The following NFIA variants were observed in gnomAD, a reference collection of about 807,000 sequenced individuals.
The protein encoded by NFIA is nuclear factor 1 A-type.
A neutral mutation model predicts 62.8 loss-of-function variants in NFIA; 8 were observed. That is an observed-to-expected ratio of 0.13 (90% CI 0.07 to 0.23). The LOEUF is 0.23. NFIA is among the 10% of genes least tolerant of loss of function. The probability of loss-of-function intolerance (pLI) is 1.00; values close to 1 mark genes in which losing one functional copy is unlikely to be tolerated. For synonymous variants in NFIA, 235 were observed against 238.1 expected, an observed-to-expected ratio of 0.99 and a Z score of 0.12; for missense variants, 410 against 642.1, an observed-to-expected ratio of 0.64 and a Z score of 3.91.
intron 2 of NFIA, among the ~76,000 whole-genome samples, chr1:61,206,330 G>A (rs999059755): frequency 3.9e-5 from 6 of 152,122 alleles, no homozygotes; most frequent in Non-Finnish European, 8.8e-5. Context: ...TGTCAGATTG[G>A]ATGCAGAGTT....
At chr1:61,267,817 A>C (rs1178230916) in intron 2 of NFIA, among the ~76,000 whole-genome samples, 3 of 152,176 alleles carry the variant, frequency 2.0e-5, no homozygotes, top group Non-Finnish European at 4.4e-5. Flanking sequence ...ATGTCACAGA[A>C]TCTTTATCCT....
intron 2 of NFIA, chr1:61,133,125 CT>C (rs754552802): frequency 1.2e-4 from 19 of 152,064 alleles, no homozygotes; most frequent in Non-Finnish European, 1.9e-4. Context: ...TTTCTAAAGA[CT>C]TTTATAGGCA....
intron 3 of NFIA, among the ~76,000 whole-genome samples, chr1:61,284,580 G>T (rs181613447): frequency 1.7e-4 from 26 of 152,204 alleles, no homozygotes; most frequent in Admixed American, 1.3e-3. Context: ...GGGGGGTGTG[G>T]GGGGAGATTT....
At chr1:61,338,865 T>A (rs1430997891) in intron 4 of NFIA, among the ~76,000 whole-genome samples, 1 of 152,226 alleles carries the variant, frequency 6.6e-6, no homozygotes, top group Non-Finnish European at 1.5e-5. Flanking sequence ...TTGGTTTTCC[T>A]GTGTTAAGTA....
intron 3 of NFIA, among the ~76,000 whole-genome samples, chr1:61,279,934 A>G (rs772627049): frequency 3.9e-5 from 6 of 152,340 alleles, no homozygotes; most frequent in Middle Eastern, 3.4e-3. Context: ...GATTTACACT[A>G]TCATTTTGGG....
intron 2 of NFIA, among the ~76,000 whole-genome samples, chr1:61,246,363 G>A (rs749132602): frequency 5.3e-5 from 8 of 152,022 alleles, no homozygotes; most frequent in Non-Finnish European, 1.0e-4. Context: ...AAAAAGTAAC[G>A]TTATCTTGGA....
intron 2 of NFIA, among the ~76,000 whole-genome samples, chr1:61,145,889 C>G (rs1279203637): frequency 6.6e-6 from 1 of 152,194 alleles, no homozygotes; most frequent in South Asian, 2.1e-4. Context: ...CGATTTAATT[C>G]AACTCTTCTT....
At chr1:61,338,452 A>G (rs537821366) in intron 4 of NFIA, among the ~76,000 whole-genome samples, 56 of 152,362 alleles carry the variant, frequency 3.7e-4, no homozygotes, top group African/African-American at 1.3e-3. Context: ...ATTTTCACAC[A>G]GGAATTGTCA....
intron 9 of NFIA, among the ~76,000 whole-genome samples, chr1:61,409,106 G>A (rs1016905948): frequency 2.0e-5 from 3 of 152,190 alleles, no homozygotes; most frequent in Admixed American, 1.3e-4. Flanking sequence ...AAGGAGTCTT[G>A]GCAGATCCAA....
chr1:61,338,454 G>T (rs555888256), intron 4 of NFIA, among the ~76,000 whole-genome samples: 3 of 152,286 alleles, frequency 2.0e-5, no homozygotes, highest in African/African-American at 7.2e-5. Context: ...TTTCACACAG[G>T]AATTGTCATT....
At chr1:61,092,396 A>C (rs4550087) in intron 2 of NFIA, among the ~76,000 whole-genome samples, 13,038 of 152,236 alleles carry the variant, frequency 0.086, 776 homozygotes, top group South Asian at 0.17. Flanking sequence ...ACACTTTTGC[A>C]CGGTAATCTT....
At chr1:61,239,822 TTAATTGAAAGGATTTGGTA>T (rs1229277902) in intron 2 of NFIA, among the ~76,000 whole-genome samples, 4 of 152,284 alleles carry the variant, frequency 2.6e-5, no homozygotes, top group African/African-American at 9.6e-5. Context: ...CTATGCTGTA[TTAATTGAAAGGATTTGGTA>T]TAATCTCATA....
intron 2 of NFIA, among the ~76,000 whole-genome samples, chr1:61,090,820 C>T (rs746570298): frequency 5.9e-5 from 9 of 152,082 alleles, no homozygotes; most frequent in Non-Finnish European, 1.0e-4. Context: ...TCTCTGTGCG[C>T]GCAACAGGAA....
rs540490461 is a variant in NFIA at position 61,348,232 on chromosome 1, T to C, written c.701-4218T>C. 5.3e-5 allele frequency among the ~76,000 whole-genome samples: 8 copies of C among 152,324 alleles called. No individual in the cohort carries two copies. The South Asian group carries it at 1.7e-3, about 32-fold the overall frequency. ...GTCACTGAGTCAGAATCCAACCCAATAAGCCAACTGTCCATGTGATTCATA... is the reference window on the plus strand; with the variant it reads ...GTCACTGAGTCAGAATCCAACCCAACAAGCCAACTGTCCATGTGATTCATA... On this transcript the variant is annotated intron_variant, in intron 4 of 10. Coordinates refer to ENST00000403491, the MANE Select transcript of NFIA (RefSeq NM_001134673.4).
At chr1:61,396,923 A>T (rs946413679) in intron 7 of NFIA, among the ~76,000 whole-genome samples, 2 of 151,618 alleles carry the variant, frequency 1.3e-5, no homozygotes, top group African/African-American at 4.9e-5. Context: ...AATTGCTTGA[A>T]CCCAGAAGGT....
chr1:61,174,621 C>T (rs1354341691), intron 2 of NFIA, among the ~76,000 whole-genome samples: 1 of 152,178 alleles, frequency 6.6e-6, no homozygotes, highest in Non-Finnish European at 1.5e-5. Context: ...TGACATCTGC[C>T]ATTTGCATTG....
chr1:61,277,806 G>A lies in NFIA; in HGVS notation c.625+221G>A, dbSNP rs12562645. ...ACCCCCGGCCCTAAACACTATTAGG[G>A]TGCCCATGAGAACCTGAATTCCCAA... On this transcript the variant is annotated intron_variant, in intron 3 of 10. Transcript: ENST00000403491. 0.047 allele frequency among the ~76,000 whole-genome samples: 7,141 copies of A among 152,204 alleles called. 557 individuals are homozygous for A. The highest frequency in any genetic ancestry group is 0.15 in the African/African-American group (6,392 of 41,478).
At chr1:61,446,913 C>T (rs1667835634) in intron 10 of NFIA, among the ~76,000 whole-genome samples, 1 of 152,184 alleles carries the variant, frequency 6.6e-6, no homozygotes, top group African/African-American at 2.4e-5. Flanking sequence ...TGAGCTCCGG[C>T]CTCCACTCCC....
intron 2 of NFIA, among the ~76,000 whole-genome samples, chr1:61,190,035 T>G (rs1347355083): frequency 1.3e-5 from 2 of 152,206 alleles, no homozygotes; most frequent in Non-Finnish European, 2.9e-5. Context: ...AAATGTGATA[T>G]TAAAGAATAA....
Sources: allele counts gnomAD v4.1 joint callset (sites outside exome capture counted in the v4.1 genomes callset), GRCh38; gene constraint gnomAD v4.1.1; transcripts MANE v1.5; gene names NCBI Gene and HGNC (gene_info 2026-07-23, HGNC 2026-07-21).